The following SUN1 variants were observed in gnomAD, a reference collection of about 807,000 sequenced individuals.
SUN1 encodes Sad1 and UNC84 domain containing 1.
A neutral mutation model predicts 103.2 loss-of-function variants in SUN1; 61 were observed. That is an observed-to-expected ratio of 0.59 (90% confidence interval 0.48 to 0.73). SUN1 has a LOEUF of 0.73. Among genes scored for constraint, SUN1 ranks in the 30% least tolerant of loss-of-function variants. SUN1 has a pLI of 0.00. For synonymous variants in SUN1, 490 were observed against 425.7 expected, an observed-to-expected ratio of 1.15 and a Z score of -1.86; for missense variants, 1,052 against 1,034.6, an observed-to-expected ratio of 1.02 and a Z score of -0.23.
In SUN1 at chr7:860,371, A is replaced by G; in HGVS notation, c.1768A>G (p.Ile590Val). The G allele has an allele frequency of 6.2e-7, 1 of 1,613,056 alleles. No individual in the cohort carries two copies. The highest frequency in any genetic ancestry group is 8.5e-7 in the Non-Finnish European group (1 of 1,179,126). ...SAVSEAGASGITEAQARAIVN... is the reference protein window; with the variant it reads ...SAVSEAGASGVTEAQARAIVN... ...TGTGAGCGAGGCGGGGGCGTCTGGA[A>G]TAACAGAGGCGGTGAGTCGGCGAGT... is the stretch of plus-strand genomic sequence containing the variant. The change falls in exon 14 of 19, where the codon ATA (isoleucine) becomes GTA (valine). Residue 590 changes from isoleucine to valine, a missense_variant. By Grantham distance (29) the Ile-to-Val change is conservative. Transcript: ENST00000401592.
intron 1 of SUN1, chr7:817,138 A>G: frequency 2.6e-6 from 1 of 381,550 alleles, no homozygotes. Context: ...AGACGGTTTT[A>G]TTTAAGAGGG....
intron 9 of SUN1, 198 bp from the exon 10 acceptor site, chr7:853,211 A>G (rs780565631): frequency 3.4e-4 from 255 of 752,422 alleles, no homozygotes; most frequent in Non-Finnish European, 2.2e-4. Flanking sequence ...CAGAAAGTAT[A>G]GAGAAGAAAA....
intron 6 of SUN1, 159 bp downstream of exon 6, chr7:851,641 T>C (rs1435483741): frequency 1.4e-6 from 1 of 721,152 alleles, no homozygotes; most frequent in Admixed American, 2.6e-5. Context: ...CAATGTTAAC[T>C]GACTGTACTT....
Position 852,880 on chromosome 7 carries a change from T to A in SUN1, c.981T>A (p.His327Gln). 6.2e-7 allele frequency: 1 copy of A among 1,614,100 alleles called. No individual in the cohort carries two copies. Among genetic ancestry groups the A allele is most frequent in the South Asian group, 1.1e-5 (1 of 91,086 alleles). The change falls in exon 9 of 19, where the codon CAT (histidine) becomes CAA (glutamine). Residue 327 changes from histidine (H) to glutamine (Q), a missense_variant. By Grantham distance (24) the His-to-Gln change is conservative (BLOSUM62 0). Around this residue, in one of 2 missense-constraint regions of SUN1, gnomAD observed 846 missense variants for 774.5 expected, o/e 1.09. Transcript: ENST00000401592. ...FLPVLNWASM[H>Q]RTQRVDDPQD... Reference sequence around the variant, plus strand: ...CCGTGTTGAACTGGGCAAGCATGCATAGAACACAGCGGGTGGATGACCCCC... The same window carrying A: ...CCGTGTTGAACTGGGCAAGCATGCAAAGAACACAGCGGGTGGATGACCCCC...
rs549317718 is a variant in SUN1 at position 825,150 on chromosome 7, C to G, written c.-74+8477C>G. ...CTCAGCTCACTGCAAGCTCCACCTC[C>G]CGGGTTCACGCCATTCTCCTGCCTC... On this transcript the variant is annotated intron_variant, in intron 1 of 17. Transcript: ENST00000389574. Among the ~76,000 whole-genome samples the G allele has an allele frequency of 2.6e-3, 396 of 152,254 alleles. 1 individual carries two copies. Among genetic ancestry groups the G allele is most frequent in the Non-Finnish European group, 4.4e-3 (300 of 68,016 alleles).
At chr7:857,752 C>A in intron 12 of SUN1, 76 bp from the exon 13 acceptor site, 1 of 1,440,004 alleles carries the variant, frequency 6.9e-7, no homozygotes, top group Non-Finnish European at 9.2e-7. Flanking sequence ...TCGGGTTCCC[C>A]TCAGCCTGTG....
intron 1 of SUN1, among the ~76,000 whole-genome samples, chr7:822,881 C>T (rs1438381863): frequency 2.6e-5 from 4 of 151,836 alleles, no homozygotes; most frequent in Non-Finnish European, 5.9e-5. Flanking sequence ...TGGCCACCCG[C>T]GAATTCCCGC....
chr7:830,085 G>A (rs554665798), upstream of SUN1, among the ~76,000 whole-genome samples: 2 of 152,226 alleles, frequency 1.3e-5, no homozygotes, highest in Non-Finnish European at 2.9e-5. Flanking sequence ...AATGATCCGT[G>A]TCGTGGTCTG....
At chr7:849,155 A>G (rs1819439933) in intron 5 of SUN1, among the ~76,000 whole-genome samples, 1 of 152,206 alleles carries the variant, frequency 6.6e-6, no homozygotes, top group African/African-American at 2.4e-5. Context: ...ATGGGGTTTC[A>G]TCATGTTAGC....
chr7:865,735 C>A (rs1415650316), intron 15 of SUN1, among the ~76,000 whole-genome samples: 3 of 152,254 alleles, frequency 2.0e-5, no homozygotes, highest in Non-Finnish European at 4.4e-5. Context: ...TTCTCCACAT[C>A]CTCGCCAGCA....
rs369804846 is a variant in SUN1, at chr7:842,103, G to C, written c.424G>C (p.Glu142Gln). ...PPVLDESWIR[E>Q]QTTVDHFWGL... ...TGTATTGGACGAGTCTTGGATTCGT[G>C]AACAGACCACAGTGGACCACTTCTG... Residue 142 changes from glutamate (E) to glutamine (Q), a missense_variant, in exon 3 of 19, where the codon GAA (glutamate) becomes CAA (glutamine). Glu to Gln is a conservative substitution (Grantham distance 29, BLOSUM62 2). Transcript: ENST00000401592. 314 of 1,614,090 alleles carry C rather than the reference G, an allele frequency of 1.9e-4. No individual in the cohort carries two copies. Among genetic ancestry groups the C allele is most frequent in the Non-Finnish European group, 2.4e-4 (289 of 1,180,046 alleles).
intron 1 of SUN1, among the ~76,000 whole-genome samples, chr7:834,251 G>C (rs28516987): frequency 6.7e-6 from 1 of 149,720 alleles, no homozygotes; most frequent in Non-Finnish European, 1.5e-5. Flanking sequence ...CTGGGAATTT[G>C]GACTCTCGGG....
intron 5 of SUN1, chr7:850,150 A>G (rs1251623637): frequency 1.1e-6 from 1 of 951,988 alleles, no homozygotes; most frequent in Non-Finnish European, 1.6e-6. Flanking sequence ...ACTGACAGGA[A>G]TAGTATTAAC....
chr7:845,323 A>G (rs1205872833), intron 5 of SUN1, among the ~76,000 whole-genome samples: 2 of 152,040 alleles, frequency 1.3e-5, no homozygotes, highest in Non-Finnish European at 2.9e-5. Context: ...CTCCCCGCGG[A>G]TGTCGGTCTT....
intron 1 of SUN1, among the ~76,000 whole-genome samples, chr7:825,128 A>G (rs547770483): frequency 4.0e-5 from 6 of 151,532 alleles, no homozygotes; most frequent in East Asian, 1.9e-4. Flanking sequence ...GCACGATCTC[A>G]GCTCACTGCA....
At chr7:817,807 C>T (rs1782227327) in intron 1 of SUN1, among the ~76,000 whole-genome samples, 1 of 152,110 alleles carries the variant, frequency 6.6e-6, no homozygotes. Context: ...CTAATAATTT[C>T]CTTTTCTTTG....
chr7:825,461 G>T (rs767456948), intron 1 of SUN1, among the ~76,000 whole-genome samples: 2 of 152,126 alleles, frequency 1.3e-5, no homozygotes, highest in Non-Finnish European at 2.9e-5. Flanking sequence ...AGTTCCATCC[G>T]CCCGAATTTA....
intron 17 of SUN1, among the ~76,000 whole-genome samples, chr7:869,881 T>C (rs1840150345): frequency 6.6e-6 from 1 of 152,120 alleles, no homozygotes; most frequent in Non-Finnish European, 1.5e-5. Context: ...CCACCATTCA[T>C]ACTGTGGTAT....
chr7:818,979 T>C (rs1783515067), intron 1 of SUN1, among the ~76,000 whole-genome samples: 1 of 151,500 alleles, frequency 6.6e-6, no homozygotes. Context: ...TTCTCCTGCC[T>C]CAGCCTCCCG....
Sources: gnomAD v4.1 joint callset for allele counts (sites outside exome capture counted in the v4.1 genomes callset) on GRCh38, gnomAD v4.1.1 for gene constraint, gnomAD v4.1.1 regional missense constraint, MANE v1.5 for transcripts, NCBI Gene and HGNC (gene_info 2026-07-23, HGNC 2026-07-21) for gene names.